NRG1: variants seen among roughly 807,000 people sequenced by gnomAD.
The protein encoded by NRG1 is neuregulin 1, also known as pro-neuregulin-1, membrane-bound isoform.
In NRG1, 18 loss-of-function variants were observed where a neutral mutation model predicts 63.8. That is an observed-to-expected ratio of 0.28 (90% CI 0.19 to 0.42). NRG1 has a LOEUF of 0.42. NRG1 is among the 10% of genes least tolerant of loss of function. NRG1 has a pLI of 1.00. For missense variants in NRG1, 762 were observed against 814.7 expected (o/e 0.94, Z 0.79); for synonymous variants, 302 against 301.3 (o/e 1.00, Z -0.02).
At chr8:32,311,693 A>C (rs1179641384) in intron 1 of NRG1, among the ~76,000 whole-genome samples, 2 of 152,192 alleles carry the variant, frequency 1.3e-5, no homozygotes, top group Admixed American at 1.3e-4. Flanking sequence ...AGAAATCACC[A>C]AGGCTCTGCA....
At position 32,128,950 on chromosome 8, in the gene NRG1, G is replaced by A. The variant is rs115947725; in HGVS notation, c.38-466878G>A. Among the ~76,000 whole-genome samples the A allele has an allele frequency of 9.4e-3, 1,426 of 151,918 alleles. 20 individuals are homozygous for A. Among genetic ancestry groups the A allele is most frequent in the African/African-American group, 0.031 (1,270 of 41,490 alleles). On this transcript the variant is annotated intron_variant, in intron 1 of 10. Coordinates refer to the NRG1 transcript ENST00000519301. ...AACAAGCTTCCCCCATTCCTTTCTAGGCTAACTCCTACTCATCCTCCAAAT... is the reference window on the plus strand; with the variant it reads ...AACAAGCTTCCCCCATTCCTTTCTAAGCTAACTCCTACTCATCCTCCAAAT...
chr8:31,900,090 A>T (rs936286061), intron 1 of NRG1, among the ~76,000 whole-genome samples: 4 of 152,256 alleles, frequency 2.6e-5, no homozygotes, highest in Admixed American at 2.0e-4. Flanking sequence ...AAATCTAGAC[A>T]CAATGAGAAG....
At position 32,073,823 on chromosome 8, in the gene NRG1, A is replaced by G. The variant is rs544961003; in HGVS notation, c.37+434392A>G. Among the ~76,000 whole-genome samples the G allele has an allele frequency of 1.5e-3, 221 of 152,340 alleles. 4 individuals are homozygous for G. Among genetic ancestry groups the G allele is most frequent in the African/African-American group, 7.2e-4 (30 of 41,580 alleles). ...AATTTTTCATTTGGAGTTTATCCCT[A>G]TGCAGGCAATCATAGATTAGAAAGT... On this transcript the variant is annotated intron_variant, in intron 1 of 10. Transcript: ENST00000519301.
chr8:32,465,464 T>C lies in NRG1; in HGVS notation c.38-130364T>C, dbSNP rs958147248. 3.9e-5 allele frequency among the ~76,000 whole-genome samples: 6 copies of C among 152,318 alleles called. No homozygotes were observed. The East Asian group carries it at 1.2e-3, about 29-fold the overall frequency. On this transcript the variant is annotated intron_variant, in intron 1 of 10. Transcript: ENST00000519301. Reference sequence around the variant, plus strand: ...AAGCCCGCTTATTTAAGAAAGTAGTTTTTGGATATTCATGGTTTATTGCTG... The same window carrying C: ...AAGCCCGCTTATTTAAGAAAGTAGTCTTTGGATATTCATGGTTTATTGCTG...
At chr8:32,548,513 G>T in exon 1 of NRG1, 1 of 1,237,596 alleles carries the variant, frequency 8.1e-7, no homozygotes, top group Non-Finnish European at 1.0e-6. Context: ...GAGAGCCAGG[G>T]CGAGCGCCCG....
At chr8:31,674,983 G>A (rs1164713997) in intron 1 of NRG1, among the ~76,000 whole-genome samples, 2 of 152,182 alleles carry the variant, frequency 1.3e-5, no homozygotes, top group African/African-American at 4.8e-5. Context: ...CCCAGCCTGA[G>A]CTTTTACAGG....
chr8:32,571,255 G>A (rs1156420802), intron 1 of NRG1, among the ~76,000 whole-genome samples: 1 of 152,192 alleles, frequency 6.6e-6, no homozygotes, highest in Non-Finnish European at 1.5e-5. Context: ...TTTCTGCTTA[G>A]CATTCCTTAC....
intron 1 of NRG1, among the ~76,000 whole-genome samples, chr8:31,726,083 G>A (rs1032242732): frequency 6.6e-6 from 1 of 151,982 alleles, no homozygotes; most frequent in South Asian, 2.1e-4. Context: ...ATAGAACATC[G>A]ACTGTGCCTA....
chr8:32,383,114 T>C (rs1810558912), intron 1 of NRG1, among the ~76,000 whole-genome samples: 1 of 151,640 alleles, frequency 6.6e-6, no homozygotes, highest in African/African-American at 2.4e-5. Flanking sequence ...TAGTCACAGC[T>C]ACTCAGGAGG....
intron 1 of NRG1, among the ~76,000 whole-genome samples, chr8:31,757,712 A>G (rs1817116984): frequency 6.6e-6 from 1 of 152,138 alleles, no homozygotes. Context: ...AAGAAAATAG[A>G]TGGTGTCAAT....
chr8:32,512,990 T>A (rs1003940460), intron 1 of NRG1, among the ~76,000 whole-genome samples: 1 of 152,124 alleles, frequency 6.6e-6, no homozygotes. Flanking sequence ...GTTTTAAGAA[T>A]ATCCAAACAA....
Position 32,721,743 on chromosome 8 carries a change from TG to T in NRG1, c.503-6205del, listed in dbSNP as rs1272226384. On this transcript the variant is annotated intron_variant, in intron 5 of 11. Coordinates refer to ENST00000356819, the Ensembl canonical transcript of NRG1. ...CAGAATGACAAGGCTTCCGTGGTTC[TG>T]AGCCTGGCTCTGAACCTTTCCTTTG... The T allele has an allele frequency of 4.2e-6, 4 of 949,004 alleles. No homozygotes were observed. The African/African-American group carries it at 5.1e-5, about 12-fold the overall frequency. 58.8% of individuals were successfully genotyped at this position (949,004 alleles called of 1,614,324 possible).
At chr8:32,151,997 T>A (rs757626360) in intron 1 of NRG1, among the ~76,000 whole-genome samples, 1 of 152,212 alleles carries the variant, frequency 6.6e-6, no homozygotes, top group Non-Finnish European at 1.5e-5. Flanking sequence ...TTAGGCGAAG[T>A]GCACAAAATT....
chr8:32,358,288 A>T (rs17634051), intron 1 of NRG1, among the ~76,000 whole-genome samples: 14 of 150,380 alleles, frequency 9.3e-5, no homozygotes, highest in Non-Finnish European at 2.1e-4. Context: ...GAGAGTAAGC[A>T]TTTGTGCATT....
intron 1 of NRG1, among the ~76,000 whole-genome samples, chr8:31,952,140 C>G (rs1483223475): frequency 6.6e-6 from 1 of 152,224 alleles, no homozygotes; most frequent in Non-Finnish European, 1.5e-5. Flanking sequence ...GATGTTTCCT[C>G]CATACCACCT....
chr8:31,794,256 T>G (rs1419581579), intron 1 of NRG1, among the ~76,000 whole-genome samples: 1 of 152,108 alleles, frequency 6.6e-6, no homozygotes, highest in Non-Finnish European at 1.5e-5. Flanking sequence ...TCTACAGTAA[T>G]GAGATTATGG....
intron 1 of NRG1, among the ~76,000 whole-genome samples, chr8:31,748,150 C>A (rs1280176291): frequency 6.6e-6 from 1 of 151,916 alleles, no homozygotes; most frequent in Non-Finnish European, 1.5e-5. Flanking sequence ...TATTCTCTGT[C>A]AACATTCTTT....
rs554940402 is a variant in NRG1 at position 32,509,449 on chromosome 8, A to T, written c.38-86379A>T. Among the ~76,000 whole-genome samples, 6 of 152,286 alleles carry T rather than the reference A, an allele frequency of 3.9e-5. No homozygotes were observed. The South Asian group carries it at 1.0e-3, about 26-fold the overall frequency. On this transcript the variant is annotated intron_variant, in intron 1 of 10. Coordinates refer to the NRG1 transcript ENST00000519301. ...TGTAATCTTAAAAAAAATACTTAAG[A>T]CTTTAAAACAAAGATGATTAGAGCC...
intron 1 of NRG1, among the ~76,000 whole-genome samples, chr8:32,457,781 G>A (rs180892820): frequency 6.6e-6 from 1 of 152,246 alleles, no homozygotes; most frequent in Admixed American, 6.5e-5. Flanking sequence ...AACAAAACAA[G>A]GCATAGTGAC....
Sources: allele counts gnomAD v4.1 joint callset (sites outside exome capture counted in the v4.1 genomes callset), GRCh38; gene constraint gnomAD v4.1.1; transcripts MANE v1.5; gene names NCBI Gene and HGNC (gene_info 2026-07-23, HGNC 2026-07-21).